Variants in KCNG3 observed in about 807,000 individuals in gnomAD.
KCNG3 encodes the protein voltage-gated potassium channel regulatory subunit KCNG3.
KCNG3 carries 15 observed loss-of-function variants against 29.0 expected under a neutral mutation model. That is an observed-to-expected ratio of 0.52 (90% CI 0.35 to 0.80). The LOEUF (loss-of-function observed/expected upper bound fraction) is 0.80, where lower values mean the gene tolerates loss of function less well. Ranked by LOEUF, KCNG3 falls within the 30% of genes least tolerant of loss-of-function variation. The pLI, the probability that KCNG3 is intolerant of heterozygous loss-of-function variation, is 0.01. For missense variants in KCNG3, 512 were observed against 605.7 expected (o/e 0.85, Z 1.62); for synonymous variants, 322 against 248.9 (o/e 1.29, Z -2.76).
At chr2:42,482,413 A>C (rs1024344443) in intron 1 of KCNG3, among the ~76,000 whole-genome samples, 1 of 152,196 alleles carries the variant, frequency 6.6e-6, no homozygotes, top group Non-Finnish European at 1.5e-5. Context: ...CTCTGTCTCT[A>C]CAAAAAATTT....
intron 1 of KCNG3, among the ~76,000 whole-genome samples, chr2:42,483,555 A>G (rs866557759): frequency 1.3e-5 from 2 of 152,220 alleles, no homozygotes; most frequent in Non-Finnish European, 2.9e-5. Context: ...CATATTGGAT[A>G]AAGTACCTAA....
At chr2:42,476,122 G>C (rs1478375619) in intron 1 of KCNG3, among the ~76,000 whole-genome samples, 1 of 151,984 alleles carries the variant, frequency 6.6e-6, no homozygotes, top group East Asian at 1.9e-4. Context: ...TTTAAATAAA[G>C]TAAGTACAGT....
rs1558376128 is a variant in KCNG3 at position 42,452,245 on chromosome 2, T to TATATA, written c.666-7667_666-7666insTATAT. ...AATATATATATATATATATATATATTTTTTTTTTTTTTTTAAAGGAAACAG... is the reference window on the plus strand; with the variant it reads ...AATATATATATATATATATATATATTATATATTTTTTTTTTTTTTAAAGGAAACAG... On this transcript the variant is annotated intron_variant, in intron 1 of 1. Transcript: ENST00000306078. Among the ~76,000 whole-genome samples, 175 of 47,402 alleles carry TATATA rather than the reference T, an allele frequency of 3.7e-3. 1 individual carries two copies. The highest frequency in any genetic ancestry group is 4.6e-3 in the Admixed American group (18 of 3,918). 31.1% of individuals were successfully genotyped at this position (47,402 alleles called of 152,430 possible).
chr2:42,391,212 T>C, the KCNG3 span, among the ~76,000 whole-genome samples: 5 of 152,184 alleles, frequency 3.3e-5, no homozygotes, highest in Admixed American at 1.3e-4. Flanking sequence ...ATTTCTAACA[T>C]GGTGCTATTG....
At chr2:42,486,411 T>C (rs1171662931) in intron 1 of KCNG3, among the ~76,000 whole-genome samples, 1 of 152,244 alleles carries the variant, frequency 6.6e-6, no homozygotes, top group East Asian at 1.9e-4. Flanking sequence ...CTTCATTCTC[T>C]ACCCAGTGGT....
downstream of KCNG3, among the ~76,000 whole-genome samples, chr2:42,439,976 T>C (rs2103653698): frequency 6.6e-6 from 1 of 152,248 alleles, no homozygotes; most frequent in Admixed American, 6.5e-5. Context: ...CCTTCATGGC[T>C]TCCGAAGTTA....
chr2:42,394,784 A>C, the KCNG3 span, among the ~76,000 whole-genome samples: 1 of 152,138 alleles, frequency 6.6e-6, no homozygotes, highest in Non-Finnish European at 1.5e-5. Context: ...TACTCTGACC[A>C]CCTTTGGCAC....
intron 1 of KCNG3, among the ~76,000 whole-genome samples, chr2:42,453,903 G>T (rs917157716): frequency 4.6e-5 from 7 of 152,130 alleles, no homozygotes; most frequent in Non-Finnish European, 7.4e-5. Context: ...GAGATAAAGG[G>T]TCTAGTTTCT....
rs527863287 is a variant in KCNG3, at chr2:42,447,700, CT to C, written c.666-3122del. Among the ~76,000 whole-genome samples the C allele has an allele frequency of 2.0e-5, 3 of 150,472 alleles. No individual in the cohort carries two copies. The East Asian group carries it at 5.8e-4, about 29-fold the overall frequency. On this transcript the variant is annotated intron_variant, in intron 1 of 1. Coordinates refer to ENST00000306078, the MANE Select transcript of KCNG3 (RefSeq NM_133329.6). ...TGGTTAATTTTTTTTCTTTTTTTTT[CT>C]TTTTTTTATACTTTTTATAAAGATG...
chr2:42,466,544 T>G lies in KCNG3; in HGVS notation c.666-21965A>C, dbSNP rs374662845. ...AATAGGCTATACTATACAGCCTAAG[T>G]GGTGAAGTATGTAGCAGGCAGTACC... On this transcript the variant is annotated intron_variant, in intron 1 of 1. Coordinates refer to ENST00000306078, the MANE Select transcript of KCNG3 (RefSeq NM_133329.6). Among the ~76,000 whole-genome samples, 60 of 152,278 alleles carry G rather than the reference T, an allele frequency of 3.9e-4. No homozygotes were observed. In the East Asian group the frequency reaches 9.8e-3, roughly 25 times the overall value.
chr2:42,412,872 CT>C, the KCNG3 span, among the ~76,000 whole-genome samples: 2 of 152,116 alleles, frequency 1.3e-5, 1 homozygote, highest in South Asian at 4.1e-4. Flanking sequence ...TCTGAAATAC[CT>C]TTTTCCATTC....
At chr2:42,451,113 G>A (rs1249063140) in intron 1 of KCNG3, among the ~76,000 whole-genome samples, 1 of 143,022 alleles carries the variant, frequency 7.0e-6, no homozygotes, top group Non-Finnish European at 1.5e-5. Context: ...ACTGAGGCAG[G>A]AGAACTGCTT....
the KCNG3 span, among the ~76,000 whole-genome samples, chr2:42,402,545 T>C: frequency 6.6e-6 from 1 of 152,206 alleles, no homozygotes; most frequent in Non-Finnish European, 1.5e-5. Context: ...TAAAGTTTTG[T>C]TTTTTCACGC....
chr2:42,486,880 C>T (rs1673737960), intron 1 of KCNG3, among the ~76,000 whole-genome samples: 1 of 152,146 alleles, frequency 6.6e-6, no homozygotes. Flanking sequence ...AATTATTGGT[C>T]TGGCACGGTG....
the KCNG3 span, among the ~76,000 whole-genome samples, chr2:42,422,661 T>C: frequency 1.3e-5 from 2 of 152,128 alleles, no homozygotes; most frequent in African/African-American, 4.8e-5. Context: ...CAATTAGAAG[T>C]AATGGCTATG....
chr2:42,390,206 T>C, the KCNG3 span, among the ~76,000 whole-genome samples: 1 of 152,248 alleles, frequency 6.6e-6, no homozygotes, highest in East Asian at 1.9e-4. Flanking sequence ...AGCAAGCTGA[T>C]GCTATCTTAT....
intron 1 of KCNG3, among the ~76,000 whole-genome samples, chr2:42,449,767 G>C (rs994217066): frequency 6.6e-6 from 1 of 152,096 alleles, no homozygotes; most frequent in Non-Finnish European, 1.5e-5. Context: ...TTCTAAATTG[G>C]TTGCTATCTT....
intron 1 of KCNG3, among the ~76,000 whole-genome samples, chr2:42,458,352 T>C (rs553110700): frequency 4.6e-5 from 7 of 152,198 alleles, no homozygotes; most frequent in Non-Finnish European, 1.0e-4. Context: ...CTGAGGAATC[T>C]GGCCTCTGCC....
At chr2:42,459,906 G>A (rs1572848840) in intron 1 of KCNG3, among the ~76,000 whole-genome samples, 2 of 151,922 alleles carry the variant, frequency 1.3e-5, no homozygotes, top group African/African-American at 2.4e-5. Flanking sequence ...AACCCGGGAG[G>A]TGGAGCTTGC....
Sources: gnomAD v4.1 joint callset for allele counts (sites outside exome capture counted in the v4.1 genomes callset) on GRCh38, gnomAD v4.1.1 for gene constraint, MANE v1.5 for transcripts, NCBI Gene and HGNC (gene_info 2026-07-23, HGNC 2026-07-21) for gene names.